The following IMMP2L variants were observed in gnomAD, a reference collection of about 807,000 sequenced individuals.
IMMP2L encodes mitochondrial inner membrane protease subunit 2.
In IMMP2L, 18 loss-of-function variants were observed where a neutral mutation model predicts 19.3. The observed-to-expected ratio is 0.93, with a 90% CI of 0.64 to 1.38. IMMP2L has a LOEUF of 1.38. Ranked by LOEUF, IMMP2L falls within the 40% of genes most tolerant of loss-of-function variation. IMMP2L has a pLI of 0.00. For synonymous variants in IMMP2L, 76 were observed against 73.0 expected (o/e 1.04, Z -0.21); for missense variants, 233 against 218.2 (o/e 1.07, Z -0.43).
chr7:111,503,403 T>C (rs1844516189), intron 2 of IMMP2L, among the ~76,000 whole-genome samples: 1 of 152,142 alleles, frequency 6.6e-6, no homozygotes, highest in Admixed American at 6.5e-5. Context: ...AAGGAGGAGC[T>C]GGTACCATTC....
intron 3 of IMMP2L, among the ~76,000 whole-genome samples, chr7:110,997,526 G>A (rs754669506): frequency 1.8e-4 from 27 of 152,042 alleles, no homozygotes; most frequent in Non-Finnish European, 3.1e-4. Flanking sequence ...CAAGCATTTG[G>A]TGTTGTCACT....
chr7:111,059,231 C>G (rs1231061241), intron 3 of IMMP2L, among the ~76,000 whole-genome samples: 2 of 152,120 alleles, frequency 1.3e-5, no homozygotes, highest in Non-Finnish European at 2.9e-5. Flanking sequence ...ATCCGCCTGC[C>G]TCGGCCTCTC....
intron 3 of IMMP2L, among the ~76,000 whole-genome samples, chr7:111,179,777 G>A (rs1384173055): frequency 6.6e-6 from 1 of 152,056 alleles, no homozygotes; most frequent in Admixed American, 6.6e-5. Context: ...GTTGTTTAGT[G>A]AAGCCACCTT....
At chr7:111,100,794 C>A (rs1263364438) in intron 3 of IMMP2L, among the ~76,000 whole-genome samples, 2 of 151,436 alleles carry the variant, frequency 1.3e-5, no homozygotes, top group Non-Finnish European at 3.0e-5. Flanking sequence ...AGATCTTTAT[C>A]ATTTCTTAGG....
intron 3 of IMMP2L, among the ~76,000 whole-genome samples, chr7:111,048,020 A>G (rs942284472): frequency 6.6e-6 from 1 of 151,868 alleles, no homozygotes; most frequent in African/African-American, 2.4e-5. Context: ...CAGGCAGATC[A>G]CAAGGTCAGA....
chr7:111,384,762 T>G (rs1831568584), intron 3 of IMMP2L, among the ~76,000 whole-genome samples: 1 of 152,156 alleles, frequency 6.6e-6, no homozygotes, highest in African/African-American at 2.4e-5. Context: ...GCTTTGGAGT[T>G]GTCCCCATTC....
At chr7:111,390,431 C>G (rs558076945) in intron 3 of IMMP2L, 1 of 152,276 alleles carries the variant, frequency 6.6e-6, no homozygotes, top group East Asian at 1.9e-4. Context: ...GCCACAGGAC[C>G]TCTTTTGTGA....
At chr7:110,741,043 T>G (rs1796957640) in intron 5 of IMMP2L, among the ~76,000 whole-genome samples, 1 of 152,162 alleles carries the variant, frequency 6.6e-6, no homozygotes, top group Non-Finnish European at 1.5e-5. Flanking sequence ...CATGCATGTT[T>G]ATAGCAGCAC....
At chr7:111,067,789 G>C (rs1404990770) in intron 3 of IMMP2L, among the ~76,000 whole-genome samples, 1 of 152,174 alleles carries the variant, frequency 6.6e-6, no homozygotes, top group Non-Finnish European at 1.5e-5. Flanking sequence ...TAATGGCCAA[G>C]TATATGCTCT....
chr7:110,841,382 T>C (rs916301734), intron 5 of IMMP2L, among the ~76,000 whole-genome samples: 11 of 137,120 alleles, frequency 8.0e-5, no homozygotes, highest in Admixed American at 7.3e-4. Context: ...AAAAAGGACA[T>C]GATTCTTGTC....
chr7:110,849,248 T>C (rs886822307), intron 5 of IMMP2L, among the ~76,000 whole-genome samples: 4 of 152,136 alleles, frequency 2.6e-5, no homozygotes, highest in African/African-American at 9.6e-5. Flanking sequence ...AAATATAGTT[T>C]ACTAATTTTA....
intron 5 of IMMP2L, among the ~76,000 whole-genome samples, chr7:110,706,061 T>C (rs1387263088): frequency 6.6e-6 from 1 of 152,108 alleles, no homozygotes; most frequent in African/African-American, 2.4e-5. Flanking sequence ...ATGATTTATT[T>C]TCTTCTAGAT....
At chr7:111,337,294 T>G (rs1826525534) in intron 3 of IMMP2L, among the ~76,000 whole-genome samples, 1 of 152,174 alleles carries the variant, frequency 6.6e-6, no homozygotes, top group South Asian at 2.1e-4. Context: ...GCCTATCTTT[T>G]AAAGTTATTT....
At chr7:111,298,820 T>C (rs965190734) in intron 3 of IMMP2L, among the ~76,000 whole-genome samples, 5 of 150,252 alleles carry the variant, frequency 3.3e-5, no homozygotes, top group African/African-American at 1.2e-4. Context: ...AATAAGGTGA[T>C]GGAGAGGAAA....
At chr7:110,934,942 C>CT (rs1240489512) in intron 4 of IMMP2L, among the ~76,000 whole-genome samples, 1 of 152,166 alleles carries the variant, frequency 6.6e-6, no homozygotes, top group Non-Finnish European at 1.5e-5. Flanking sequence ...AGTCTTGACT[C>CT]TTTATCCAAT....
intron 3 of IMMP2L, among the ~76,000 whole-genome samples, chr7:111,330,799 C>T (rs1015152642): frequency 3.3e-5 from 5 of 151,792 alleles, no homozygotes; most frequent in African/African-American, 1.2e-4. Context: ...AGAAGACATA[C>T]AAATGTCCAG....
At chr7:110,965,522 C>G (rs1486788588) in intron 3 of IMMP2L, among the ~76,000 whole-genome samples, 1 of 151,750 alleles carries the variant, frequency 6.6e-6, no homozygotes, top group African/African-American at 2.4e-5. Flanking sequence ...TGGCCTCATC[C>G]CTTTATTAAA....
At chr7:111,314,504 C>A (rs1823846087) in intron 3 of IMMP2L, among the ~76,000 whole-genome samples, 1 of 151,754 alleles carries the variant, frequency 6.6e-6, no homozygotes, top group African/African-American at 2.4e-5. Flanking sequence ...AAGATAATTG[C>A]CAGAGGAATG....
At chr7:111,379,271 C>A (rs905271883) in intron 3 of IMMP2L, among the ~76,000 whole-genome samples, 1 of 150,388 alleles carries the variant, frequency 6.6e-6, no homozygotes, top group South Asian at 2.1e-4. Context: ...CACTTCCTCT[C>A]TCCTACAACA....
Sources: allele counts gnomAD v4.1 joint callset (sites outside exome capture counted in the v4.1 genomes callset), GRCh38; gene constraint gnomAD v4.1.1; transcripts MANE v1.5; gene names NCBI Gene and HGNC (gene_info 2026-07-23, HGNC 2026-07-21).